The following ZFAT variants were observed in gnomAD, a reference collection of about 807,000 sequenced individuals.
ZFAT encodes the protein zinc finger protein ZFAT.
In ZFAT, 64 loss-of-function variants were observed where a neutral mutation model predicts 117.7. That is an observed-to-expected ratio of 0.54 (90% CI 0.44 to 0.67). ZFAT has a LOEUF of 0.67. Among genes scored for constraint, ZFAT ranks in the 30% least tolerant of loss-of-function variants. The pLI is 0.00. For missense variants in ZFAT, 1,433 were observed against 1,584.5 expected (o/e 0.90, Z 1.62); for synonymous variants, 679 against 615.0 (o/e 1.10, Z -1.54).
At chr8:134,660,104 A>G (rs17778118) in intron 1 of ZFAT, among the ~76,000 whole-genome samples, 12,282 of 152,308 alleles carry the variant, frequency 0.081, 724 homozygotes, top group Admixed American at 0.15. Flanking sequence ...ATAGGAGGCC[A>G]AGTTGTTTCC....
the ZFAT span, among the ~76,000 whole-genome samples, chr8:134,734,370 T>A: frequency 1.3e-5 from 2 of 152,262 alleles, no homozygotes; most frequent in African/African-American, 4.8e-5. Flanking sequence ...GAAAGATGCT[T>A]TCATGAATGT....
At chr8:134,532,690 C>T in intron 12 of ZFAT, 144 bp downstream of exon 12, 1 of 1,154,634 alleles carries the variant, frequency 8.7e-7, no homozygotes, top group Non-Finnish European at 1.2e-6. Context: ...ACGATGATGA[C>T]AACAATTAGG....
At chr8:134,750,529 T>C in the ZFAT span, among the ~76,000 whole-genome samples, 2 of 152,156 alleles carry the variant, frequency 1.3e-5, no homozygotes, top group African/African-American at 4.8e-5. Flanking sequence ...TGAAATATTT[T>C]TTTTAAAAAT....
chr8:134,592,736 T>C (rs1826603893), intron 7 of ZFAT, among the ~76,000 whole-genome samples: 1 of 152,184 alleles, frequency 6.6e-6, no homozygotes, highest in Non-Finnish European at 1.5e-5. Flanking sequence ...TAATATTCCC[T>C]GGGAGTCTCC....
intron 11 of ZFAT, among the ~76,000 whole-genome samples, chr8:134,548,625 C>G (rs147940957): frequency 2.0e-5 from 3 of 152,160 alleles, no homozygotes. Context: ...GTCTGTTTCA[C>G]AAAATGTAAG....
At chr8:134,646,557 A>AT (rs1830909529) in intron 2 of ZFAT, among the ~76,000 whole-genome samples, 1 of 152,134 alleles carries the variant, frequency 6.6e-6, no homozygotes, top group Non-Finnish European at 1.5e-5. Flanking sequence ...AAATAATAGA[A>AT]TAGAGCAGAA....
At chr8:134,563,373 T>A (rs1048712757) in intron 11 of ZFAT, among the ~76,000 whole-genome samples, 4 of 152,240 alleles carry the variant, frequency 2.6e-5, no homozygotes, top group Non-Finnish European at 5.9e-5. Flanking sequence ...AGTGAAAGGA[T>A]GAAGTCCATG....
chr8:134,751,300 T>G, the ZFAT span, among the ~76,000 whole-genome samples: 1 of 152,190 alleles, frequency 6.6e-6, no homozygotes, highest in African/African-American at 2.4e-5. Flanking sequence ...GTCAGGGGGC[T>G]CCAAGACCAA....
the ZFAT span, among the ~76,000 whole-genome samples, chr8:134,802,280 C>T: frequency 6.6e-6 from 1 of 152,046 alleles, no homozygotes; most frequent in Non-Finnish European, 1.5e-5. Context: ...GATATTCAAA[C>T]TAAAAAAAAG....
At chr8:134,683,776 G>A (rs1833183163) in intron 1 of ZFAT, among the ~76,000 whole-genome samples, 2 of 152,092 alleles carry the variant, frequency 1.3e-5, no homozygotes, top group Non-Finnish European at 2.9e-5. Context: ...TGGAGGTCTG[G>A]AGACAGGGGG....
intron 8 of ZFAT, 70 bp from the exon 9 acceptor site, chr8:134,588,465 T>C (rs1277949559): frequency 1.4e-5 from 20 of 1,463,932 alleles, no homozygotes; most frequent in Non-Finnish European, 1.6e-5. Context: ...ATAAACCTCA[T>C]TGCTAAGCAG....
the ZFAT span, among the ~76,000 whole-genome samples, chr8:134,813,801 TACACACACACACACACACAC>T: frequency 2.0e-5 from 3 of 147,136 alleles, no homozygotes; most frequent in East Asian, 6.0e-4. Context: ...TTTGATTTTA[TACACACACACACACACACAC>T]ACACACACAC....
In ZFAT at chr8:134,534,219, A is replaced by G. The variant is rs191687592; in HGVS notation, c.2977-1247T>C. Among the ~76,000 whole-genome samples the G allele has an allele frequency of 3.4e-4, 52 of 152,352 alleles. 1 individual carries two copies. The South Asian group carries it at 7.7e-3, about 22-fold the overall frequency. On this transcript the variant is annotated intron_variant, in intron 11 of 15. Transcript: ENST00000377838. ...TTGTGAGAATTAAATGGTATCATAT[A>G]AACTGATACCTAAAATGCCATGCAA...
intron 2 of ZFAT, among the ~76,000 whole-genome samples, chr8:134,657,141 G>A (rs1453380190): frequency 6.6e-6 from 1 of 152,188 alleles, no homozygotes; most frequent in Non-Finnish European, 1.5e-5. Context: ...CTTAGGTCCT[G>A]TAGGCATATT....
chr8:134,713,071 C>T (rs1000129834), upstream of ZFAT: 1 of 508,684 alleles, frequency 2.0e-6, no homozygotes, highest in Non-Finnish European at 3.1e-6. Flanking sequence ...CAGACGCCTG[C>T]GTAGCGGACG....
the ZFAT span, among the ~76,000 whole-genome samples, chr8:134,727,664 G>A: frequency 1.3e-5 from 2 of 152,112 alleles, no homozygotes; most frequent in African/African-American, 2.4e-5. Flanking sequence ...AGAAACTAAG[G>A]CTATCCATCT....
intron 1 of ZFAT, among the ~76,000 whole-genome samples, chr8:134,672,093 G>C (rs887618221): frequency 2.6e-5 from 4 of 152,032 alleles, no homozygotes; most frequent in African/African-American, 9.7e-5. Context: ...CACTGCTCAA[G>C]GAAATAAAAG....
chr8:134,559,925 A>G (rs1173489488), intron 11 of ZFAT, among the ~76,000 whole-genome samples: 1 of 152,232 alleles, frequency 6.6e-6, no homozygotes, highest in Non-Finnish European at 1.5e-5. Flanking sequence ...CAAATATTAA[A>G]GAGCTAATAT....
chr8:134,504,838 C>T (rs1819271566), intron 15 of ZFAT, among the ~76,000 whole-genome samples: 1 of 152,162 alleles, frequency 6.6e-6, no homozygotes, highest in Admixed American at 6.5e-5. Context: ...TTCCACCACC[C>T]CTACCTCTGC....
Sources: allele counts gnomAD v4.1 joint callset (sites outside exome capture counted in the v4.1 genomes callset), GRCh38; gene constraint gnomAD v4.1.1; transcripts MANE v1.5; gene names NCBI Gene and HGNC (gene_info 2026-07-23, HGNC 2026-07-21).